Variants in CSMD1 observed in about 807,000 individuals in gnomAD.
CSMD1 encodes the protein CUB and sushi domain-containing protein 1.
CSMD1 carries 213 observed loss-of-function variants against 417.5 expected under a neutral mutation model. The observed-to-expected ratio is 0.51, with a 90% confidence interval of 0.46 to 0.57. CSMD1 has a LOEUF of 0.57. CSMD1 is among the 20% of genes least tolerant of loss of function. The probability of loss-of-function intolerance (pLI) is 0.00; values close to 1 mark genes in which losing one functional copy is unlikely to be tolerated. For synonymous variants in CSMD1, 2,862 were observed against 1,736.8 expected (o/e 1.65, Z -16.11); for missense variants, 6,923 against 4,529.7 (o/e 1.53, Z -15.17).
intron 7 of CSMD1, among the ~76,000 whole-genome samples, chr8:3,704,531 TAG>T (rs1337677908): frequency 6.6e-6 from 1 of 152,174 alleles, no homozygotes; most frequent in Non-Finnish European, 1.5e-5. Flanking sequence ...CTCAAACAGC[TAG>T]AGAGATAAGA....
intron 3 of CSMD1, among the ~76,000 whole-genome samples, chr8:4,101,159 C>G (rs943068010): frequency 6.6e-6 from 1 of 152,240 alleles, no homozygotes; most frequent in East Asian, 1.9e-4. Flanking sequence ...CCACTCTATA[C>G]TGTCTATGAG....
intron 11 of CSMD1, among the ~76,000 whole-genome samples, chr8:3,478,317 A>G (rs547443619): frequency 6.6e-6 from 1 of 152,360 alleles, no homozygotes; most frequent in South Asian, 2.1e-4. Flanking sequence ...CTAAGGGGAA[A>G]ATAAAAGTTG....
At chr8:4,901,074 C>A (rs28477377) in intron 1 of CSMD1, among the ~76,000 whole-genome samples, 3,000 of 152,278 alleles carry the variant, frequency 0.02, 68 homozygotes, top group East Asian at 0.091. Flanking sequence ...AGAGTTGAAG[C>A]AATTCAACTT....
intron 3 of CSMD1, among the ~76,000 whole-genome samples, chr8:4,254,099 A>T (rs1223529611): frequency 6.6e-6 from 1 of 151,490 alleles, no homozygotes; most frequent in Non-Finnish European, 1.5e-5. Context: ...TTGTGTTTTT[A>T]GTAGAGACAG....
intron 52 of CSMD1, among the ~76,000 whole-genome samples, chr8:3,006,903 A>C (rs1483582159): frequency 7.1e-6 from 1 of 141,312 alleles, no homozygotes; most frequent in Admixed American, 6.7e-5. Flanking sequence ...CAATGGCAAC[A>C]AAAGACAAAA....
intron 4 of CSMD1, among the ~76,000 whole-genome samples, chr8:4,014,802 T>C (rs184932715): frequency 2.0e-3 from 300 of 152,312 alleles, no homozygotes; most frequent in Non-Finnish European, 3.4e-3. Flanking sequence ...GACACATTCA[T>C]CTTTACAGCT....
chr8:3,543,524 G>A (rs1211297059), intron 10 of CSMD1, among the ~76,000 whole-genome samples: 1 of 152,050 alleles, frequency 6.6e-6, no homozygotes, highest in Non-Finnish European at 1.5e-5. Flanking sequence ...GAGGATGGCT[G>A]GATCCCCAAC....
intron 3 of CSMD1, among the ~76,000 whole-genome samples, chr8:4,379,360 G>A (rs1291315598): frequency 6.6e-6 from 1 of 152,142 alleles, no homozygotes; most frequent in African/African-American, 2.4e-5. Context: ...GGAGACAGGA[G>A]GAATAAATAG....
chr8:3,504,896 G>A (rs887338155), intron 10 of CSMD1, among the ~76,000 whole-genome samples: 11 of 152,046 alleles, frequency 7.2e-5, no homozygotes, highest in Admixed American at 2.6e-4. Context: ...AATTTCTGAA[G>A]CAGAACCCGT....
intron 1 of CSMD1, among the ~76,000 whole-genome samples, chr8:4,950,332 G>A (rs907781669): frequency 6.6e-6 from 1 of 151,992 alleles, no homozygotes; most frequent in Non-Finnish European, 1.5e-5. Context: ...ATTTGCAGTT[G>A]TCTTTAAAAG....
intron 3 of CSMD1, among the ~76,000 whole-genome samples, chr8:4,102,435 G>C (rs539961548): frequency 7.2e-5 from 11 of 152,128 alleles, no homozygotes; most frequent in Non-Finnish European, 1.2e-4. Context: ...TGTCATAATA[G>C]ATTTAAGAAA....
intron 12 of CSMD1, among the ~76,000 whole-genome samples, chr8:3,439,305 ATATATT>A (rs1226914460): frequency 4.9e-5 from 2 of 41,200 alleles, no homozygotes; most frequent in Non-Finnish European, 8.2e-5. Flanking sequence ...ATATATATAT[ATATATT>A]TTTTTTTTTA....
In CSMD1 at chr8:4,171,073, C is replaced by A. The variant is rs573309582; in HGVS notation, c.416-138974G>T. ...ATCCTCATCTGTCAGTGTTCCCCTCCACGGTGCTTACCAGAGTCCAGCTGT... is the reference window on the plus strand; with the variant it reads ...ATCCTCATCTGTCAGTGTTCCCCTCAACGGTGCTTACCAGAGTCCAGCTGT... On this transcript the variant is annotated intron_variant, in intron 3 of 69. Coordinates refer to ENST00000635120, the MANE Select transcript of CSMD1 (RefSeq NM_033225.6). 2.0e-5 allele frequency among the ~76,000 whole-genome samples: 3 copies of A among 151,984 alleles called. 1 individual carries two copies. The highest frequency in any genetic ancestry group is 7.3e-5 in the African/African-American group (3 of 41,270).
At position 3,632,691 on chromosome 8, in the gene CSMD1, T is replaced by G. The variant is rs924483137; in HGVS notation, c.1010-15894A>C. Among the ~76,000 whole-genome samples, 4 of 152,238 alleles carry G rather than the reference T, an allele frequency of 2.6e-5. No homozygotes were observed. In the East Asian group the frequency reaches 5.8e-4, roughly 22 times the overall value. On this transcript the variant is annotated intron_variant, in intron 7 of 69. Coordinates refer to ENST00000635120, the MANE Select transcript of CSMD1 (RefSeq NM_033225.6). ...ACCCTAATGATTCATCCATCAGTAC[T>G]ATTTAGGCACAGGAATGACTTCAGT... is the stretch of plus-strand genomic sequence containing the variant.
chr8:3,242,364 TGA>T (rs1338730882), intron 26 of CSMD1, among the ~76,000 whole-genome samples: 3 of 151,446 alleles, frequency 2.0e-5, no homozygotes, highest in African/African-American at 7.3e-5. Flanking sequence ...GGGTTGGGAC[TGA>T]GGGGACAGGT....
At chr8:3,581,550 G>C (rs1584918590) in intron 9 of CSMD1, among the ~76,000 whole-genome samples, 1 of 152,262 alleles carries the variant, frequency 6.6e-6, no homozygotes, top group East Asian at 1.9e-4. Context: ...TCCTGCTCCA[G>C]AGAAGGCATG....
At chr8:3,201,179 C>T (rs1384682418) in intron 32 of CSMD1, among the ~76,000 whole-genome samples, 2 of 152,136 alleles carry the variant, frequency 1.3e-5, no homozygotes, top group South Asian at 2.1e-4. Context: ...TGCATGTATA[C>T]ATGTGAACAC....
chr8:3,341,363 G>T (rs2117601858), intron 23 of CSMD1, among the ~76,000 whole-genome samples: 1 of 152,284 alleles, frequency 6.6e-6, no homozygotes, highest in Admixed American at 6.5e-5. Flanking sequence ...TGAAATTCCA[G>T]TATGCATAAA....
chr8:3,930,394 G>T (rs1210649961), intron 5 of CSMD1, among the ~76,000 whole-genome samples: 1 of 150,448 alleles, frequency 6.6e-6, no homozygotes, highest in Non-Finnish European at 1.5e-5. Flanking sequence ...CTTAGCCCTG[G>T]CATGCTTATA....
Sources: allele counts gnomAD v4.1 joint callset (sites outside exome capture counted in the v4.1 genomes callset), GRCh38; gene constraint gnomAD v4.1.1; transcripts MANE v1.5; gene names NCBI Gene and HGNC (gene_info 2026-07-23, HGNC 2026-07-21).